MAPK8IP1: variants seen among roughly 807,000 people sequenced by gnomAD.
MAPK8IP1 encodes the protein mitogen-activated protein kinase 8 interacting protein 1.
In MAPK8IP1, 17 loss-of-function variants were observed where a neutral mutation model predicts 72.6. The ratio of observed to expected loss-of-function variants is 0.23; its 90% confidence interval spans 0.16 to 0.35. MAPK8IP1 has a LOEUF of 0.35. MAPK8IP1 is among the 10% of genes least tolerant of loss of function. The pLI is 1.00. For synonymous variants in MAPK8IP1, 401 were observed against 443.4 expected (o/e 0.90, Z 1.20); for missense variants, 789 against 1,009.7 (o/e 0.78, Z 2.96).
Position 45,904,902 on chromosome 11 carries a change from A to G in MAPK8IP1, c.1893+68A>G. Reference sequence around the variant, plus strand: ...CTCTCCCCCAAGACTTGTGATGAAGAGGCCATCTCCTGTCACCCTCACTGC... The same window carrying G: ...CTCTCCCCCAAGACTTGTGATGAAGGGGCCATCTCCTGTCACCCTCACTGC... On this transcript the variant is annotated intron_variant, in intron 9 of 11. Coordinates refer to ENST00000241014, the MANE Select transcript of MAPK8IP1 (RefSeq NM_005456.4). This position sits in a 1 kb window ranked among gnomAD's most constrained non-coding sequence, Gnocchi z 6.4. 2 of 1,601,752 alleles carry G rather than the reference A, an allele frequency of 1.2e-6. No homozygotes were observed. Among genetic ancestry groups the G allele is most frequent in the Non-Finnish European group, 1.7e-6 (2 of 1,168,854 alleles).
intron 1 of MAPK8IP1, chr11:45,896,786 C>A: frequency 6.5e-7 from 1 of 1,533,360 alleles, no homozygotes. Flanking sequence ...GCCAGAGGCC[C>A]CCAGCCCTGC....
At chr11:45,894,754 G>A (rs2134668517) in intron 1 of MAPK8IP1, among the ~76,000 whole-genome samples, 1 of 152,322 alleles carries the variant, frequency 6.6e-6, no homozygotes, top group Non-Finnish European at 1.5e-5. Flanking sequence ...AGGAGCAAGG[G>A]GAGGAAGGGG....
intron 1 of MAPK8IP1, among the ~76,000 whole-genome samples, chr11:45,897,367 T>G (rs896885716): frequency 1.6e-4 from 25 of 152,112 alleles, no homozygotes; most frequent in Admixed American, 5.2e-4. Flanking sequence ...GGTGCCCTGG[T>G]GCTCTGAGCT....
At chr11:45,901,016 G>T (rs998547815) in intron 3 of MAPK8IP1, among the ~76,000 whole-genome samples, 6 of 152,092 alleles carry the variant, frequency 3.9e-5, no homozygotes, top group Non-Finnish European at 8.8e-5. Flanking sequence ...GGGGACCTAG[G>T]GCCCCTGGGA....
At chr11:45,901,717 A>G (rs2086653836) in intron 3 of MAPK8IP1, among the ~76,000 whole-genome samples, 1 of 152,120 alleles carries the variant, frequency 6.6e-6, no homozygotes, top group Non-Finnish European at 1.5e-5. Context: ...CACCTTTGTT[A>G]AGGCTGATAA....
In MAPK8IP1 at chr11:45,900,133, T is replaced by C; in HGVS notation, c.208-5T>C. 1 of 1,271,094 alleles carries C rather than the reference T, an allele frequency of 7.9e-7. No individual in the cohort carries two copies. The allele number at this position is 1,271,094 out of a possible 1,614,324, so 78.7% of individuals were successfully genotyped here. On this transcript the variant is annotated splice_region_variant and splice_polypyrimidine_tract_variant and intron_variant, in intron 2 of 11. Coordinates refer to ENST00000241014, the MANE Select transcript of MAPK8IP1 (RefSeq NM_005456.4). This position sits in a 1 kb window ranked among gnomAD's most constrained non-coding sequence, Gnocchi z 6.5. ...CCCCCTGACGCCCCTCCGTGCGCTGTGCAGCCCCCGCGCGCCGGGCTGCTC... is the reference window on the plus strand; with the variant it reads ...CCCCCTGACGCCCCTCCGTGCGCTGCGCAGCCCCCGCGCGCCGGGCTGCTC...
At chr11:45,896,934 G>C (rs1315443255) in intron 1 of MAPK8IP1, 1 of 1,574,134 alleles carries the variant, frequency 6.4e-7, no homozygotes, top group Admixed American at 1.8e-5. Flanking sequence ...CTGGTTGGAG[G>C]ATCAATGGGA....
intron 1 of MAPK8IP1, among the ~76,000 whole-genome samples, chr11:45,896,166 G>A (rs2086603418): frequency 1.3e-5 from 2 of 152,252 alleles, no homozygotes; most frequent in African/African-American, 2.4e-5. Context: ...CCTGCCCTTA[G>A]CTGTGGCTCT....
At chr11:45,894,727 C>T (rs1369772670) in intron 1 of MAPK8IP1, among the ~76,000 whole-genome samples, 3 of 152,294 alleles carry the variant, frequency 2.0e-5, no homozygotes, top group East Asian at 1.9e-4. Flanking sequence ...AGGATGAACT[C>T]GCCAGCTCTG....
chr11:45,902,814 CGGAGGGTGGCGG>C lies in MAPK8IP1; in HGVS notation c.1050_1061del (p.Gly351_Gly354del), dbSNP rs2086667211. 6.3e-7 allele frequency: 1 copy of C among 1,581,176 alleles called. No homozygotes were observed. Among genetic ancestry groups the C allele is most frequent in the Admixed American group, 1.8e-5 (1 of 55,350 alleles). On this transcript the variant is annotated inframe_deletion, in exon 5 of 12. Coordinates refer to ENST00000241014, the MANE Select transcript of MAPK8IP1 (RefSeq NM_005456.4). The surrounding 1 kb of genome is among the most constrained non-coding windows in gnomAD (Gnocchi z 9.3). ...CCCCAGAGCGGGCTGAGCCCCCAGG[CGGAGGGTGGCGG>C]GGGAGCCTGGGGGAGCCGCCGCCAC... is the stretch of plus-strand genomic sequence containing the variant.
intron 1 of MAPK8IP1, among the ~76,000 whole-genome samples, chr11:45,886,535 GGGAAGTC>G (rs1229536159): frequency 3.9e-5 from 6 of 152,202 alleles, no homozygotes; most frequent in Non-Finnish European, 8.8e-5. Flanking sequence ...GCTGCGGGAA[GGGAAGTC>G]GGCTCGGCTC....
At chr11:45,889,132 C>G (rs2086548246) in intron 1 of MAPK8IP1, among the ~76,000 whole-genome samples, 3 of 152,128 alleles carry the variant, frequency 2.0e-5, no homozygotes, top group African/African-American at 7.2e-5. Context: ...GATGGGAACC[C>G]AAGTCTAAAA....
intron 1 of MAPK8IP1, among the ~76,000 whole-genome samples, chr11:45,891,056 T>G (rs996647310): frequency 6.6e-6 from 1 of 152,158 alleles, no homozygotes; most frequent in Non-Finnish European, 1.5e-5. Context: ...CTGATGGACC[T>G]TGGATGTGGA....
At chr11:45,895,440 T>C (rs2086595851) in intron 1 of MAPK8IP1, among the ~76,000 whole-genome samples, 1 of 151,876 alleles carries the variant, frequency 6.6e-6, no homozygotes, top group Non-Finnish European at 1.5e-5. Context: ...GCCAACATGG[T>C]GAAACCCTGT....
chr11:45,900,312 A>G lies in MAPK8IP1; in HGVS notation c.382A>G (p.Lys128Glu). The G allele has an allele frequency of 1.1e-5, 16 of 1,401,522 alleles. No homozygotes were observed. Among genetic ancestry groups the G allele is most frequent in the Non-Finnish European group, 1.5e-5 (16 of 1,085,614 alleles). 86.8% of individuals were successfully genotyped at this position (1,401,522 alleles called of 1,614,324 possible). The change falls in exon 3 of 12, where the codon AAG becomes GAG. Residue 128 changes from lysine to glutamate, a missense_variant. By Grantham distance (56) the Lys-to-Glu change is moderately conservative. This residue lies in a region of MAPK8IP1 where 112 missense variants were observed against 192.8 expected (regional missense o/e 0.58). Coordinates refer to ENST00000241014, the MANE Select transcript of MAPK8IP1 (RefSeq NM_005456.4). This position sits in a 1 kb window ranked among gnomAD's most constrained non-coding sequence, Gnocchi z 6.5. ...CCGGCGGCCGGGAGCGGGGCCGCCC[A>G]AGGCCGAGTCCGGCCAGGAGCCGGC... ...AARRPGAGPP[K>E]AESGQEPASR...
intron 3 of MAPK8IP1, 160 bp from the exon 4 acceptor site, chr11:45,901,819 GC>G (rs1483388559): frequency 1.3e-6 from 1 of 756,462 alleles, no homozygotes; most frequent in Non-Finnish European, 2.4e-6. Flanking sequence ...CACCCTTCCT[GC>G]CTGCTCCAGA....
chr11:45,894,435 C>G (rs2086588574), intron 1 of MAPK8IP1, among the ~76,000 whole-genome samples: 1 of 148,450 alleles, frequency 6.7e-6, no homozygotes, highest in African/African-American at 2.4e-5. Context: ...CTCTCTGACC[C>G]CCAGCCCAGT....
In MAPK8IP1 at chr11:45,903,085, C is replaced by T. The variant is rs1176902546; in HGVS notation, c.1318C>T (p.Pro440Ser). 5.0e-6 allele frequency: 8 copies of T among 1,611,472 alleles called. No homozygotes were observed. Among genetic ancestry groups the T allele is most frequent in the African/African-American group, 1.3e-5 (1 of 74,890 alleles). The change falls in exon 5 of 12, where the codon CCT (proline) becomes TCT (serine). Residue 440 changes from proline (P) to serine (S), a missense_variant. Physicochemically the swap from Pro to Ser is moderately conservative, Grantham distance 74 (BLOSUM62 -1). This residue lies in a region of MAPK8IP1 where 377 missense variants were observed against 411.7 expected (regional missense o/e 0.92). Transcript: ENST00000241014. The surrounding 1 kb of genome is among the most constrained non-coding windows in gnomAD (Gnocchi z 6.4). ...EYEEAPRPQP[P>S]ACLSEDSTPD... Reference sequence around the variant, plus strand: ...TGAGGAGGCCCCGCGGCCCCAGCCCCCTGCCTGCCTCTCCGAGGACTCCAC... The same window carrying T: ...TGAGGAGGCCCCGCGGCCCCAGCCCTCTGCCTGCCTCTCCGAGGACTCCAC...
chr11:45,885,851 G>C lies in MAPK8IP1; in HGVS notation c.31G>C (p.Gly11Arg), dbSNP rs201511756. The C allele has an allele frequency of 4.1e-6, 6 of 1,446,530 alleles. No individual in the cohort carries two copies. Among genetic ancestry groups the C allele is most frequent in the African/African-American group, 2.9e-5 (2 of 67,932 alleles). 89.6% of individuals were successfully genotyped at this position (1,446,530 alleles called of 1,614,324 possible). Reference protein sequence around the residue: MAERESGGLGGGAASPPAASP... With the variant: MAERESGGLGRGAASPPAASP... ...GGAGCGAGAAAGCGGCGGCCTGGGA[G>C]GGGGGGCCGCGTCCCCGCCCGCCGC... is the stretch of plus-strand genomic sequence containing the variant. The change falls in exon 1 of 12, where the codon GGG (glycine) becomes CGG (arginine). Residue 11 changes from glycine to arginine, a missense_variant. Physicochemically the swap from Gly to Arg is moderately radical, Grantham distance 125. This residue lies in a region of MAPK8IP1 where 112 missense variants were observed against 111.8 expected (regional missense o/e 1.00). Coordinates refer to ENST00000241014, the MANE Select transcript of MAPK8IP1 (RefSeq NM_005456.4).
Sources: gnomAD v4.1 joint callset for allele counts (sites outside exome capture counted in the v4.1 genomes callset) on GRCh38, gnomAD v4.1.1 for gene constraint, gnomAD v4.1.1 regional missense constraint, Gnocchi (gnomAD v3.1) non-coding constraint, MANE v1.5 for transcripts, NCBI Gene and HGNC (gene_info 2026-07-23, HGNC 2026-07-21) for gene names.